The following NCKAP5 variants were observed in gnomAD, a reference collection of about 807,000 sequenced individuals.
NCKAP5 encodes nck-associated protein 5.
Under a neutral mutation model 167.0 loss-of-function variants are expected in NCKAP5, and 92 were observed. The observed-to-expected ratio is 0.55, with a 90% CI of 0.47 to 0.66. NCKAP5 has a LOEUF of 0.66. Ranked by LOEUF, NCKAP5 falls within the 30% of genes least tolerant of loss-of-function variation. The probability of loss-of-function intolerance (pLI) is 0.00; values close to 1 mark genes in which losing one functional copy is unlikely to be tolerated. For synonymous variants in NCKAP5, 891 were observed against 877.4 expected (o/e 1.02, Z -0.27); for missense variants, 2,378 against 2,315.0 (o/e 1.03, Z -0.56).
chr2:133,525,651 T>G (rs1684811454), intron 2 of NCKAP5, among the ~76,000 whole-genome samples: 1 of 152,246 alleles, frequency 6.6e-6, no homozygotes, highest in Non-Finnish European at 1.5e-5. Context: ...GTATATCATA[T>G]AATCCACCCT....
chr2:133,576,371 G>C, the NCKAP5 span, among the ~76,000 whole-genome samples: 1 of 152,208 alleles, frequency 6.6e-6, no homozygotes, highest in East Asian at 1.9e-4. Context: ...GTAACAAAGG[G>C]CAGGTAAGCT....
At chr2:133,383,278 A>T (rs566087912) in intron 3 of NCKAP5, among the ~76,000 whole-genome samples, 1 of 152,094 alleles carries the variant, frequency 6.6e-6, no homozygotes, top group African/African-American at 2.4e-5. Context: ...AAGTGTTCTC[A>T]TTGTTCAATT....
At chr2:132,837,621 T>C (rs1687988637) in intron 11 of NCKAP5, among the ~76,000 whole-genome samples, 1 of 152,214 alleles carries the variant, frequency 6.6e-6, no homozygotes, top group Admixed American at 6.5e-5. Flanking sequence ...TTGTTTCAGA[T>C]GACCTCTGGG....
At chr2:133,413,390 T>A (rs1048725155) in intron 3 of NCKAP5, among the ~76,000 whole-genome samples, 6 of 152,222 alleles carry the variant, frequency 3.9e-5, no homozygotes, top group African/African-American at 1.4e-4. Flanking sequence ...AGGCTAATGC[T>A]AGCCCTCAAA....
intron 11 of NCKAP5, among the ~76,000 whole-genome samples, chr2:132,829,230 G>A (rs181116609): frequency 1.3e-5 from 2 of 152,158 alleles, no homozygotes; most frequent in East Asian, 1.9e-4. Flanking sequence ...GTAAACTAAG[G>A]GTTGATTTAT....
rs117380689 is a variant in NCKAP5, at chr2:132,765,472, G to A, written c.5128+8344C>T. Among the ~76,000 whole-genome samples, 26 of 151,926 alleles carry A rather than the reference G, an allele frequency of 1.7e-4. No individual in the cohort carries two copies. The East Asian group carries it at 4.5e-3, about 26-fold the overall frequency. On this transcript the variant is annotated intron_variant, in intron 16 of 19. Transcript: ENST00000409261. ...TGTGACTACAGGCGCGTGGCACCAC[G>A]CGCAGCTAATTTTTGTATTTTTGGT...
At chr2:132,815,346 T>C (rs1422417940) in intron 11 of NCKAP5, among the ~76,000 whole-genome samples, 2 of 152,176 alleles carry the variant, frequency 1.3e-5, no homozygotes, top group Admixed American at 1.3e-4. Flanking sequence ...TTTGAGAAAC[T>C]ATGGGGAAGT....
At chr2:133,164,232 A>C (rs1256921740) in intron 5 of NCKAP5, among the ~76,000 whole-genome samples, 1 of 152,244 alleles carries the variant, frequency 6.6e-6, no homozygotes, top group African/African-American at 2.4e-5. Context: ...AAAGAAAAAA[A>C]CCAACTATGG....
chr2:133,606,946 A>T, the NCKAP5 span, among the ~76,000 whole-genome samples: 1 of 152,302 alleles, frequency 6.6e-6, no homozygotes, highest in East Asian at 1.9e-4. Context: ...GGTGTCCAGA[A>T]GTCCTCATGC....
At chr2:133,220,179 T>C (rs977721216) in intron 4 of NCKAP5, among the ~76,000 whole-genome samples, 21 of 152,340 alleles carry the variant, frequency 1.4e-4, no homozygotes, top group African/African-American at 5.1e-4. Flanking sequence ...CAACTGTGCT[T>C]CTGCAATGCA....
intron 16 of NCKAP5, among the ~76,000 whole-genome samples, chr2:132,751,919 A>C (rs1030285504): frequency 1.3e-5 from 2 of 152,236 alleles, no homozygotes; most frequent in Non-Finnish European, 2.9e-5. Context: ...ATCTGGACAC[A>C]CTGGTTCAAG....
intron 6 of NCKAP5, among the ~76,000 whole-genome samples, chr2:133,055,740 TATA>T (rs1490884631): frequency 1.3e-5 from 2 of 152,074 alleles, no homozygotes; most frequent in Admixed American, 1.3e-4. Flanking sequence ...CACATCTCAT[TATA>T]ATAGCCAGAT....
rs147257417 is a variant in NCKAP5, at chr2:132,913,877, G to A, written c.580-34961C>T. ...TCTATCCTCTATTAGCATACTTATCGTCTTCTTCAATCTATAAGTAAATTT... is the reference window on the plus strand; with the variant it reads ...TCTATCCTCTATTAGCATACTTATCATCTTCTTCAATCTATAAGTAAATTT... On this transcript the variant is annotated intron_variant, in intron 8 of 19. Coordinates refer to ENST00000409261, the MANE Select transcript of NCKAP5 (RefSeq NM_207363.3). Among the ~76,000 whole-genome samples the A allele has an allele frequency of 5.1e-4, 78 of 152,052 alleles. No homozygotes were observed. In the East Asian group the frequency reaches 6.0e-3, roughly 12 times the overall value.
intron 19 of NCKAP5, among the ~76,000 whole-genome samples, chr2:132,715,613 A>G (rs1290844170): frequency 6.6e-6 from 1 of 152,206 alleles, no homozygotes; most frequent in East Asian, 1.9e-4. Flanking sequence ...CAGAGCCGAA[A>G]TACTAATAAG....
At chr2:133,656,576 T>G in the NCKAP5 span, among the ~76,000 whole-genome samples, 1 of 152,186 alleles carries the variant, frequency 6.6e-6, no homozygotes, top group South Asian at 2.1e-4. Context: ...CCTCTCCTCC[T>G]GTCCCCACAC....
At chr2:133,381,379 A>G (rs1686509922) in intron 3 of NCKAP5, 1 of 152,256 alleles carries the variant, frequency 6.6e-6, no homozygotes, top group African/African-American at 2.4e-5. Flanking sequence ...GCTGGACATG[A>G]TAAATAACCT....
At chr2:132,731,672 G>T in intron 17 of NCKAP5, 65 bp downstream of exon 17, 3 of 1,487,474 alleles carry the variant, frequency 2.0e-6, no homozygotes, top group South Asian at 1.4e-5. Flanking sequence ...CTCATCTCCT[G>T]GTGAAAAGTT....
chr2:133,520,334 C>T (rs568571697), intron 2 of NCKAP5, among the ~76,000 whole-genome samples: 1 of 152,330 alleles, frequency 6.6e-6, no homozygotes, highest in Admixed American at 6.5e-5. Flanking sequence ...TCTCTCAGCT[C>T]TTATGCTAAA....
Position 133,431,448 on chromosome 2 carries a change from G to T in NCKAP5, c.69+86010C>A, listed in dbSNP as rs529542982. 3.9e-5 allele frequency among the ~76,000 whole-genome samples: 6 copies of T among 152,216 alleles called. No individual in the cohort carries two copies. In the South Asian group the frequency reaches 1.2e-3, roughly 32 times the overall value. On this transcript the variant is annotated intron_variant, in intron 3 of 19. Transcript: ENST00000409261. ...GAGAGGTGTAGACAACCGTTTCCAA[G>T]GTATACAGCTTGGAGGCCCTGAAGG...
Sources: allele counts gnomAD v4.1 joint callset (sites outside exome capture counted in the v4.1 genomes callset), GRCh38; gene constraint gnomAD v4.1.1; transcripts MANE v1.5; gene names NCBI Gene and HGNC (gene_info 2026-07-23, HGNC 2026-07-21).